The following EPHA6 variants were observed in gnomAD, a reference collection of about 807,000 sequenced individuals.
The protein encoded by EPHA6 is ephrin type-A receptor 6.
EPHA6 carries 50 observed loss-of-function variants against 112.0 expected under a neutral mutation model. The observed-to-expected ratio is 0.45, with a 90% CI of 0.36 to 0.56. The LOEUF is 0.56. Among genes scored for constraint, EPHA6 ranks in the 20% least tolerant of loss-of-function variants. The pLI is 0.00. For missense variants in EPHA6, 1,280 were observed against 1,417.4 expected, an observed-to-expected ratio of 0.90 and a Z score of 1.56; for synonymous variants, 529 against 490.7, an observed-to-expected ratio of 1.08 and a Z score of -1.03.
At chr3:97,392,384 A>G (rs1163930139) in intron 5 of EPHA6, among the ~76,000 whole-genome samples, 1 of 151,612 alleles carries the variant, frequency 6.6e-6, no homozygotes, top group African/African-American at 2.4e-5. Context: ...CTAAGCTAGC[A>G]TGGTAAATTG....
At chr3:97,100,907 A>G (rs2047384609) in intron 3 of EPHA6, among the ~76,000 whole-genome samples, 2 of 152,168 alleles carry the variant, frequency 1.3e-5, no homozygotes, top group South Asian at 4.1e-4. Flanking sequence ...TAAAATAATC[A>G]TAAATGAGAA....
chr3:97,162,461 AC>A (rs781354057), intron 3 of EPHA6, among the ~76,000 whole-genome samples: 31 of 152,304 alleles, frequency 2.0e-4, no homozygotes, highest in Non-Finnish European at 4.1e-4. Flanking sequence ...ATGGGACAAA[AC>A]TGAGCAAGAA....
intron 3 of EPHA6, among the ~76,000 whole-genome samples, chr3:97,050,732 G>T (rs2045658738): frequency 6.6e-6 from 1 of 152,086 alleles, no homozygotes; most frequent in South Asian, 2.1e-4. Flanking sequence ...TGCCTTTTAT[G>T]ATTATTTATT....
chr3:97,366,097 G>A (rs1358345382), intron 5 of EPHA6, among the ~76,000 whole-genome samples: 1 of 152,050 alleles, frequency 6.6e-6, no homozygotes, highest in Non-Finnish European at 1.5e-5. Context: ...ATTCTGTACG[G>A]TATTGTTGTT....
At chr3:96,941,317 T>C (rs2040929218) in intron 2 of EPHA6, among the ~76,000 whole-genome samples, 1 of 152,170 alleles carries the variant, frequency 6.6e-6, no homozygotes, top group Non-Finnish European at 1.5e-5. Flanking sequence ...CTTTTTTCTC[T>C]AAACTTCCCT....
chr3:97,167,403 G>C (rs1234645527), intron 3 of EPHA6, among the ~76,000 whole-genome samples: 1 of 151,996 alleles, frequency 6.6e-6, no homozygotes, highest in African/African-American at 2.4e-5. Flanking sequence ...AATGATTTCT[G>C]TTTCAACTTA....
At chr3:97,057,964 A>G (rs1018769534) in intron 3 of EPHA6, among the ~76,000 whole-genome samples, 1 of 151,982 alleles carries the variant, frequency 6.6e-6, no homozygotes, top group Non-Finnish European at 1.5e-5. Context: ...TTGCATTCTC[A>G]TTTTTTTCCT....
At position 97,006,786 on chromosome 3, in the gene EPHA6, A is replaced by G. The variant is rs191554720; in HGVS notation, c.1114+18793A>G. 1.2e-4 allele frequency among the ~76,000 whole-genome samples: 19 copies of G among 152,304 alleles called. No homozygotes were observed. In the East Asian group the frequency reaches 2.5e-3, roughly 20 times the overall value. On this transcript the variant is annotated intron_variant, in intron 3 of 17. Coordinates refer to ENST00000389672, the MANE Select transcript of EPHA6 (RefSeq NM_001080448.3). ...CTTAACACTGCTTTAGCTGTGTCCC[A>G]GAGATTCTGGTATGTCATCTCTTTG...
At chr3:97,011,798 G>A (rs147199018) in intron 3 of EPHA6, among the ~76,000 whole-genome samples, 6 of 152,008 alleles carry the variant, frequency 3.9e-5, no homozygotes, top group African/African-American at 9.6e-5. Flanking sequence ...TCCCCCACCC[G>A]GCTCCTTCCT....
At chr3:97,112,201 C>T (rs1248094822) in intron 3 of EPHA6, among the ~76,000 whole-genome samples, 1 of 152,062 alleles carries the variant, frequency 6.6e-6, no homozygotes, top group African/African-American at 2.4e-5. Context: ...TCTCAATTTG[C>T]TTGTATATAA....
In EPHA6 at chr3:97,752,169, T is replaced by C; in HGVS notation, c.*3468T>C. The C allele has an allele frequency of 4.5e-6, 1 of 223,040 alleles. No homozygotes were observed. Among genetic ancestry groups the C allele is most frequent in the Non-Finnish European group, 9.0e-6 (1 of 111,616 alleles). The allele number at this position is 223,040 out of a possible 1,614,324, so 13.8% of individuals were successfully genotyped here. A position where few individuals can be genotyped will look rare whatever the true frequency, so the allele number is the denominator to read the frequency against. On this transcript the variant is annotated 3_prime_UTR_variant, in exon 18 of 18. Coordinates refer to ENST00000389672, the MANE Select transcript of EPHA6 (RefSeq NM_001080448.3). ...CTTTAAAATCTATCAAAGTATAACC[T>C]GAATAAAACTGCCTTCCAGCAACAG...
intron 3 of EPHA6, among the ~76,000 whole-genome samples, chr3:97,212,754 C>T (rs2108516292): frequency 6.6e-6 from 1 of 152,168 alleles, no homozygotes; most frequent in African/African-American, 2.4e-5. Context: ...AAATATAATA[C>T]ATTCACTTTA....
intron 14 of EPHA6, among the ~76,000 whole-genome samples, chr3:97,701,142 A>G (rs1198869964): frequency 6.6e-6 from 1 of 152,208 alleles, no homozygotes; most frequent in Admixed American, 6.5e-5. Context: ...GGATTCCAGT[A>G]TGAGTTTATT....
At chr3:97,599,057 A>G (rs1333669867) in intron 12 of EPHA6, among the ~76,000 whole-genome samples, 1 of 152,152 alleles carries the variant, frequency 6.6e-6, no homozygotes, top group Non-Finnish European at 1.5e-5. Flanking sequence ...GGCTGCATAA[A>G]TGTCTTCTTT....
At chr3:97,552,613 A>G (rs1383720162) in intron 11 of EPHA6, among the ~76,000 whole-genome samples, 1 of 152,204 alleles carries the variant, frequency 6.6e-6, no homozygotes, top group Admixed American at 6.6e-5. Flanking sequence ...GAGAAAAGTC[A>G]TGCTGCAGTT....
chr3:97,263,199 G>A (rs2079557080), intron 5 of EPHA6, among the ~76,000 whole-genome samples: 1 of 151,884 alleles, frequency 6.6e-6, no homozygotes, highest in Admixed American at 6.6e-5. Context: ...GTGTTTCTGG[G>A]GAAGACAAAT....
rs112572692 is a variant in EPHA6 at position 97,660,520 on chromosome 3, G to A, written c.2784+22438G>A. 3.4e-3 allele frequency among the ~76,000 whole-genome samples: 513 copies of A among 152,164 alleles called. 4 individuals carry two copies. The highest frequency in any genetic ancestry group is 0.012 in the African/African-American group (481 of 41,526). ...CAAGATAAAAGAGAGGATAAGTGAG[G>A]CGGGGCACAATTTACAAGAGACAAA... On this transcript the variant is annotated intron_variant, in intron 14 of 17. Transcript: ENST00000389672.
intron 3 of EPHA6, among the ~76,000 whole-genome samples, chr3:97,097,549 CTTT>C (rs201807805): frequency 6.8e-6 from 1 of 146,824 alleles, no homozygotes; most frequent in Non-Finnish European, 1.5e-5. Flanking sequence ...CACATTGGTT[CTTT>C]TTTTTTTAAA....
rs1242016207 is a variant in EPHA6 at position 97,133,171 on chromosome 3, G to A, written c.1115-93093G>A. On this transcript the variant is annotated intron_variant, in intron 3 of 17. Coordinates refer to ENST00000389672, the MANE Select transcript of EPHA6 (RefSeq NM_001080448.3). Reference sequence around the variant, plus strand: ...TAGGCACATGACATCCTATGAGAGTGAGCAGCCAGAGTCATATGACTGAAA... The same window carrying A: ...TAGGCACATGACATCCTATGAGAGTAAGCAGCCAGAGTCATATGACTGAAA... Among the ~76,000 whole-genome samples, 3 of 152,160 alleles carry A rather than the reference G, an allele frequency of 2.0e-5. No homozygotes were observed. In the East Asian group the frequency reaches 5.8e-4, roughly 29 times the overall value.
Sources: allele counts gnomAD v4.1 joint callset (sites outside exome capture counted in the v4.1 genomes callset), GRCh38; gene constraint gnomAD v4.1.1; transcripts MANE v1.5; gene names NCBI Gene and HGNC (gene_info 2026-07-23, HGNC 2026-07-21).